Variants in FSTL4 observed in about 807,000 individuals in gnomAD.
FSTL4 encodes follistatin like 4, also known as follistatin-related protein 4.
Under a neutral mutation model 78.2 loss-of-function variants are expected in FSTL4, and 28 were observed. The observed-to-expected ratio is 0.36, with a 90% CI of 0.27 to 0.49. FSTL4 has a LOEUF of 0.49. FSTL4 is among the 20% of genes least tolerant of loss of function. The pLI is 0.98. For synonymous variants in FSTL4, 422 were observed against 440.5 expected (o/e 0.96, Z 0.53); for missense variants, 922 against 1,084.9 (o/e 0.85, Z 2.11).
chr5:133,542,473 CATCA>C (rs1346516256), intron 3 of FSTL4, among the ~76,000 whole-genome samples: 38 of 152,236 alleles, frequency 2.5e-4, no homozygotes, highest in African/African-American at 8.9e-4. Flanking sequence ...ATGTTATTCT[CATCA>C]ATATACCCAC....
At chr5:133,658,111 C>T in the FSTL4 span, among the ~76,000 whole-genome samples, 3 of 151,986 alleles carry the variant, frequency 2.0e-5, no homozygotes, top group Non-Finnish European at 2.9e-5. Context: ...TTTTTTAATG[C>T]TTACACTTTC....
rs61263749 is a variant in FSTL4 at position 133,560,129 on chromosome 5, C to G, written c.160+7057G>C. Among the ~76,000 whole-genome samples, 358 of 152,318 alleles carry G rather than the reference C, an allele frequency of 2.4e-3. 1 individual carries two copies. The highest frequency in any genetic ancestry group is 8.1e-3 in the African/African-American group (336 of 41,568). On this transcript the variant is annotated intron_variant, in intron 3 of 15. Transcript: ENST00000265342. Reference sequence around the variant, plus strand: ...GCCTGCACAGCAGCATGAGAGCTGTCCCAGGGCAAAGGCTACAGGTACCAG... The same window carrying G: ...GCCTGCACAGCAGCATGAGAGCTGTGCCAGGGCAAAGGCTACAGGTACCAG...
chr5:133,653,610 G>C, the FSTL4 span, among the ~76,000 whole-genome samples: 13 of 152,192 alleles, frequency 8.5e-5, no homozygotes, highest in Non-Finnish European at 1.5e-4. Context: ...CAGCAGTAAA[G>C]GCTGGATAAG....
intron 14 of FSTL4, among the ~76,000 whole-genome samples, chr5:133,206,741 C>CT (rs936167294): frequency 1.3e-5 from 2 of 151,944 alleles, no homozygotes; most frequent in Admixed American, 6.6e-5. Flanking sequence ...TTTTTGTTTG[C>CT]TTTTTTCTTT....
At chr5:133,497,407 C>T (rs1371600716) in intron 3 of FSTL4, among the ~76,000 whole-genome samples, 2 of 152,228 alleles carry the variant, frequency 1.3e-5, no homozygotes, top group Admixed American at 1.3e-4. Context: ...CACTGCTGAA[C>T]ACATAGTGCA....
At chr5:133,327,485 G>A (rs1287310034) in intron 4 of FSTL4, among the ~76,000 whole-genome samples, 1 of 152,324 alleles carries the variant, frequency 6.6e-6, no homozygotes, top group East Asian at 1.9e-4. Flanking sequence ...GCTCTCAGGA[G>A]GGGCCTGGAA....
At chr5:133,767,312 C>G in the FSTL4 span, among the ~76,000 whole-genome samples, 1 of 152,088 alleles carries the variant, frequency 6.6e-6, no homozygotes, top group African/African-American at 2.4e-5. Context: ...TGTCATGTGC[C>G]CTTGTAGAGT....
At chr5:133,376,039 C>T (rs962584514) in intron 4 of FSTL4, among the ~76,000 whole-genome samples, 1 of 152,210 alleles carries the variant, frequency 6.6e-6, no homozygotes, top group Non-Finnish European at 1.5e-5. Flanking sequence ...AAATTTCCAA[C>T]AGGTTGTGTG....
At position 133,611,924 on chromosome 5, in the gene FSTL4, C is replaced by CG. The variant is rs562204811; in HGVS notation, c.-11+400dup. 4.6e-5 allele frequency among the ~76,000 whole-genome samples: 7 copies of CG among 151,820 alleles called. No homozygotes were observed. Among genetic ancestry groups the CG allele is most frequent in the South Asian group, 2.1e-4 (1 of 4,824 alleles). Reference sequence around the variant, plus strand: ...CTCGCCTGGCTCCGCCGGGGCCGCTCGGGGTCCTGAACCCAAGAACGGCGC... The same window carrying CG: ...CTCGCCTGGCTCCGCCGGGGCCGCTCGGGGGTCCTGAACCCAAGAACGGCGC... On this transcript the variant is annotated intron_variant, in intron 1 of 15. Transcript: ENST00000265342. The surrounding 1 kb of genome is among the most constrained non-coding windows in gnomAD (Gnocchi z 4.9).
intron 4 of FSTL4, among the ~76,000 whole-genome samples, chr5:133,399,617 T>C (rs916245430): frequency 3.3e-5 from 5 of 152,220 alleles, no homozygotes; most frequent in Non-Finnish European, 7.3e-5. Flanking sequence ...TCAGTGGGGT[T>C]CTGTGAGGGT....
intron 6 of FSTL4, among the ~76,000 whole-genome samples, chr5:133,286,494 G>A (rs560187147): frequency 3.3e-5 from 5 of 152,184 alleles, no homozygotes; most frequent in African/African-American, 4.8e-5. Flanking sequence ...CAAGTTAATC[G>A]CCTCTTCAAT....
chr5:133,644,100 G>A, the FSTL4 span, among the ~76,000 whole-genome samples: 13 of 152,152 alleles, frequency 8.5e-5, no homozygotes, highest in African/African-American at 2.9e-4. Flanking sequence ...TTGGTAAAAT[G>A]TGTCCTTCCC....
chr5:133,438,619 A>G (rs1296476511), intron 3 of FSTL4, among the ~76,000 whole-genome samples: 1 of 152,248 alleles, frequency 6.6e-6, no homozygotes, highest in Non-Finnish European at 1.5e-5. Context: ...CAAGTGTGGG[A>G]CGAGTGAGGA....
chr5:133,426,286 G>A lies in FSTL4; in HGVS notation c.161-25300C>T, dbSNP rs1489488575. 1.3e-5 allele frequency among the ~76,000 whole-genome samples: 2 copies of A among 152,220 alleles called. No individual in the cohort carries two copies. The highest frequency in any genetic ancestry group is 2.9e-5 in the Non-Finnish European group (2 of 68,042). ...GACACAGGGAGCAAAGGATAGCCGG[G>A]AGTCTGGGGAGGTGAGAGGGGGAGA... On this transcript the variant is annotated intron_variant, in intron 3 of 15. Transcript: ENST00000265342. This position sits in a 1 kb window ranked among gnomAD's most constrained non-coding sequence, Gnocchi z 5.0.
At chr5:133,728,784 G>A in the FSTL4 span, among the ~76,000 whole-genome samples, 1 of 151,854 alleles carries the variant, frequency 6.6e-6, no homozygotes, top group African/African-American at 2.4e-5. Flanking sequence ...TTCTTTAATT[G>A]TGAGCAATGT....
the FSTL4 span, among the ~76,000 whole-genome samples, chr5:133,781,478 T>C: frequency 8.4e-4 from 128 of 151,716 alleles, no homozygotes; most frequent in African/African-American, 3.0e-3. Flanking sequence ...GAGGGATGTG[T>C]GGACAAGCAG....
intron 3 of FSTL4, among the ~76,000 whole-genome samples, chr5:133,493,426 GT>G (rs1241674524): frequency 6.6e-6 from 1 of 152,164 alleles, no homozygotes; most frequent in Non-Finnish European, 1.5e-5. Context: ...CGTGTAAGTA[GT>G]GTAAATTCAA....
intron 3 of FSTL4, among the ~76,000 whole-genome samples, chr5:133,496,503 T>C (rs1406915502): frequency 1.3e-5 from 2 of 152,178 alleles, no homozygotes; most frequent in African/African-American, 2.4e-5. Context: ...CAGGGAGCCC[T>C]GGGACCTGTG....
chr5:133,364,102 G>C (rs1370468126), intron 4 of FSTL4, among the ~76,000 whole-genome samples: 1 of 152,182 alleles, frequency 6.6e-6, no homozygotes, highest in Non-Finnish European at 1.5e-5. Flanking sequence ...GGCAGGACAC[G>C]CCTGACATTC....
Sources: allele counts gnomAD v4.1 joint callset (sites outside exome capture counted in the v4.1 genomes callset), GRCh38; gene constraint gnomAD v4.1.1; non-coding constraint Gnocchi (gnomAD v3.1); transcripts MANE v1.5; gene names NCBI Gene and HGNC (gene_info 2026-07-23, HGNC 2026-07-21).